Variants in JPT1 observed in about 807,000 individuals in gnomAD.
JPT1 encodes the protein androgen-regulated protein 2.
A neutral mutation model predicts 17.0 loss-of-function variants in JPT1; 5 were observed. The ratio of observed to expected loss-of-function variants is 0.29; its 90% confidence interval spans 0.15 to 0.62. The LOEUF (loss-of-function observed/expected upper bound fraction) is 0.62, where lower values mean the gene tolerates loss of function less well. Ranked by LOEUF, JPT1 falls within the 20% of genes least tolerant of loss-of-function variation. JPT1 has a pLI of 0.85. For synonymous variants in JPT1, 71 were observed against 73.6 expected (o/e 0.96, Z 0.18); for missense variants, 158 against 188.1 (o/e 0.84, Z 0.94).
intron 1 of JPT1, among the ~76,000 whole-genome samples, chr17:75,150,657 G>T (rs991201457): frequency 1.3e-5 from 2 of 152,096 alleles, no homozygotes; most frequent in African/African-American, 2.4e-5. Flanking sequence ...CAAAGTGCTG[G>T]GATTACAGGC....
At chr17:75,154,316 G>A in intron 1 of JPT1, 26 bp downstream of exon 1, 2 of 1,534,176 alleles carry the variant, frequency 1.3e-6, no homozygotes, top group Non-Finnish European at 8.8e-7. Flanking sequence ...GCCCCGCGCG[G>A]CTCGGGCGCG....
At chr17:75,150,244 CT>C (rs958087015) in intron 1 of JPT1, among the ~76,000 whole-genome samples, 3 of 151,646 alleles carry the variant, frequency 2.0e-5, no homozygotes, top group South Asian at 2.1e-4. Flanking sequence ...TATAGAAATA[CT>C]TTTTTTTCTT....
chr17:75,154,124 GGAAT>G, intron 1 of JPT1: 1 of 259,692 alleles, frequency 3.9e-6, no homozygotes, highest in Non-Finnish European at 7.1e-6. Flanking sequence ...CTCCGTGGAA[GGAAT>G]GAATGGAGAG....
chr17:75,147,137 T>G (rs951600539), intron 3 of JPT1, among the ~76,000 whole-genome samples: 2 of 151,452 alleles, frequency 1.3e-5, no homozygotes, highest in African/African-American at 2.4e-5. Context: ...TAGTGCTTAG[T>G]CGGGCGGGGT....
chr17:75,136,111 G>A lies in JPT1; in HGVS notation c.456C>T (p.Val152=), dbSNP rs202010696. ...TTCAGGACAGTCAGAGCTAACCCAA[G>A]ACGAGGCTGGACTTGCCGCCAGGGG... ...RNPPGGKSSL[V]LG Residue 152 remains valine, a synonymous_variant, in exon 5 of 5, where the codon GTC becomes GTT. Transcript: ENST00000409753. 1.2e-6 allele frequency: 2 copies of A among 1,614,242 alleles called. No individual in the cohort carries two copies. The highest frequency in any genetic ancestry group is 1.6e-4 in the Middle Eastern group (1 of 6,062).
chr17:75,153,108 GGTA>G (rs1035798076), intron 1 of JPT1: 1 of 152,028 alleles, frequency 6.6e-6, no homozygotes, highest in Non-Finnish European at 1.5e-5. Flanking sequence ...GGACCCCGAG[GGTA>G]GCCACACATG....
chr17:75,147,854 C>T (rs2074469806), intron 2 of JPT1: 1 of 520,718 alleles, frequency 1.9e-6, no homozygotes. Flanking sequence ...TAAAAATTGG[C>T]TGGACGTCAT....
At chr17:75,147,034 A>G (rs1167247275) in intron 3 of JPT1, among the ~76,000 whole-genome samples, 1 of 152,204 alleles carries the variant, frequency 6.6e-6, no homozygotes, top group African/African-American at 2.4e-5. Flanking sequence ...GAAACTAGAT[A>G]ATAGTTATGG....
rs886392218 is a variant in JPT1, at chr17:75,141,963, G to T, written c.316+4703C>A. On this transcript the variant is annotated intron_variant, in intron 4 of 4. Coordinates refer to ENST00000409753, the MANE Select transcript of JPT1 (RefSeq NM_016185.4). ...GCACACCTGTAGTCCCAGATACTCA[G>T]GAGGCTAAGGCGGGAGAATCGCTTG... Among the ~76,000 whole-genome samples the T allele has an allele frequency of 2.6e-5, 4 of 152,082 alleles. No individual in the cohort carries two copies. In the East Asian group the frequency reaches 7.8e-4, roughly 30 times the overall value.
In JPT1 at chr17:75,136,065, G is replaced by A. The variant is rs955196964; in HGVS notation, c.*37C>T. On this transcript the variant is annotated 3_prime_UTR_variant, in exon 5 of 5. Coordinates refer to ENST00000409753, the MANE Select transcript of JPT1 (RefSeq NM_016185.4). ...AGTTGTGCAGTTCACAAGCATGGAG[G>A]AAACAGACAGAACGACAGCGTTCAG... is the stretch of plus-strand genomic sequence containing the variant. 3 of 1,614,166 alleles carry A rather than the reference G, an allele frequency of 1.9e-6. No individual in the cohort carries two copies. In the South Asian group the frequency reaches 3.3e-5, roughly 18 times the overall value.
rs530539983 is a variant in JPT1 at position 75,154,038 on chromosome 17, C to T, written c.56+304G>A. 373 of 196,604 alleles carry T rather than the reference C, an allele frequency of 1.9e-3. 2 individuals carry two copies. The highest frequency in any genetic ancestry group is 8.1e-3 in the African/African-American group (348 of 42,798). 12.2% of individuals were successfully genotyped at this position (196,604 alleles called of 1,614,324 possible). A position where few individuals can be genotyped will look rare whatever the true frequency, so the allele number is the denominator to read the frequency against. On this transcript the variant is annotated intron_variant, in intron 1 of 4. Coordinates refer to ENST00000409753, the MANE Select transcript of JPT1 (RefSeq NM_016185.4). The stretch of plus-strand genomic sequence containing the variant: ...GGATGCACACAGGAGAAAGCGAAGC[C>T]CTCCCCGAAGGTTCCGATTAACGAA...
intron 4 of JPT1, 128 bp downstream of exon 4, chr17:75,146,538 G>A: frequency 1.5e-6 from 1 of 647,700 alleles, no homozygotes; most frequent in Admixed American, 3.0e-5. Flanking sequence ...ATTAGAGTAT[G>A]GCGGCACTTG....
chr17:75,141,921 T>G (rs113837776), intron 4 of JPT1, among the ~76,000 whole-genome samples: 3 of 151,324 alleles, frequency 2.0e-5, no homozygotes, highest in East Asian at 3.9e-4. Context: ...GTAAAAAAAA[T>G]AGCCAGCTGT....
chr17:75,137,520 C>T (rs1371527856), intron 4 of JPT1, among the ~76,000 whole-genome samples: 1 of 145,726 alleles, frequency 6.9e-6, no homozygotes, highest in Non-Finnish European at 1.5e-5. Context: ...CCACAACTGG[C>T]TATTTTTGTT....
chr17:75,146,990 T>C (rs956621213), intron 3 of JPT1, among the ~76,000 whole-genome samples: 3 of 152,190 alleles, frequency 2.0e-5, no homozygotes, highest in African/African-American at 7.2e-5. Flanking sequence ...GGTAAATCTC[T>C]CCTTTCATTT....
chr17:75,140,824 G>A (rs2074293961), intron 4 of JPT1, among the ~76,000 whole-genome samples: 1 of 152,216 alleles, frequency 6.6e-6, no homozygotes, highest in African/African-American at 2.4e-5. Flanking sequence ...AAGCACGGTG[G>A]CTCACGCCTG....
Position 75,136,184 on chromosome 17 carries a change from G to A in JPT1, c.383C>T (p.Pro128Leu). ...QSEEKPVPAAPVPSPVAPAPV... is the reference protein window; with the variant it reads ...QSEEKPVPAALVPSPVAPAPV... ...GGCCGGGGCCACCGGGCTGGGCACAGGCGCAGCAGGCACGGGCTTCTCTTC... is the reference window on the plus strand; with the variant it reads ...GGCCGGGGCCACCGGGCTGGGCACAAGCGCAGCAGGCACGGGCTTCTCTTC... The change falls in exon 5 of 5, where the codon CCT becomes CTT. Residue 128 changes from proline (P) to leucine (L), a missense_variant. Pro to Leu is a moderately conservative substitution (Grantham distance 98). Coordinates refer to ENST00000409753, the MANE Select transcript of JPT1 (RefSeq NM_016185.4). 3.1e-6 allele frequency: 5 copies of A among 1,614,006 alleles called. No homozygotes were observed. Among genetic ancestry groups the A allele is most frequent in the Non-Finnish European group, 4.2e-6 (5 of 1,179,922 alleles).
Position 75,136,073 on chromosome 17 carries a change from C to T in JPT1, c.*29G>A, listed in dbSNP as rs774468266. The T allele has an allele frequency of 3.7e-6, 6 of 1,614,038 alleles. No individual in the cohort carries two copies. In the African/African-American group the frequency reaches 5.3e-5, roughly 14 times the overall value. Reference sequence around the variant, plus strand: ...AGTTCACAAGCATGGAGGAAACAGACAGAACGACAGCGTTCAGGACAGTCA... The same window carrying T: ...AGTTCACAAGCATGGAGGAAACAGATAGAACGACAGCGTTCAGGACAGTCA... On this transcript the variant is annotated 3_prime_UTR_variant, in exon 5 of 5. Transcript: ENST00000409753.
At chr17:75,150,041 A>G (rs929590257) in intron 1 of JPT1, among the ~76,000 whole-genome samples, 1 of 152,172 alleles carries the variant, frequency 6.6e-6, no homozygotes, top group Admixed American at 6.6e-5. Context: ...TGAGCAATTA[A>G]GTATAAGATT....
Sources: allele counts gnomAD v4.1 joint callset (sites outside exome capture counted in the v4.1 genomes callset), GRCh38; gene constraint gnomAD v4.1.1; transcripts MANE v1.5; gene names NCBI Gene and HGNC (gene_info 2026-07-23, HGNC 2026-07-21).